HOXA3: variants seen among roughly 807,000 people sequenced by gnomAD.
HOXA3 encodes the protein homeobox protein Hox-A3.
In HOXA3, 8 loss-of-function variants were observed where a neutral mutation model predicts 30.3. That is an observed-to-expected ratio of 0.26 (90% CI 0.15 to 0.48). The LOEUF (loss-of-function observed/expected upper bound fraction) is 0.48, where lower values mean the gene tolerates loss of function less well. HOXA3 is among the 20% of genes least tolerant of loss of function. HOXA3 has a pLI of 0.99. For missense variants in HOXA3, 653 were observed against 614.4 expected, an observed-to-expected ratio of 1.06 and a Z score of -0.66; for synonymous variants, 323 against 273.1, an observed-to-expected ratio of 1.18 and a Z score of -1.80.
At chr7:27,109,905 CCAG>C in intron 5 of HOXA3, 2 of 612,702 alleles carry the variant, frequency 3.3e-6, no homozygotes, top group Non-Finnish European at 5.7e-6. Flanking sequence ...AGAGGGACTC[CCAG>C]CAGGTCTCTG....
chr7:27,138,597 GA>G (rs771724227), intron 2 of HOXA3, among the ~76,000 whole-genome samples: 154 of 152,264 alleles, frequency 1.0e-3, no homozygotes, highest in Middle Eastern at 3.4e-3. Flanking sequence ...TACCCATCCA[GA>G]AAAAGATCCC....
At chr7:27,148,902 C>A (rs942687611) in intron 1 of HOXA3, among the ~76,000 whole-genome samples, 1 of 152,258 alleles carries the variant, frequency 6.6e-6, no homozygotes, top group Admixed American at 6.5e-5. Context: ...CCCAAGGCCG[C>A]GGGATAATTG....
chr7:27,107,599 T>G lies in HOXA3; in HGVS notation c.*316A>C, dbSNP rs1784083402. Reference sequence around the variant, plus strand: ...CACATTGAAAACTCGACTAGAAAATTTGTTCATATACCCTGTTTCTGATCA... The same window carrying G: ...CACATTGAAAACTCGACTAGAAAATGTGTTCATATACCCTGTTTCTGATCA... On this transcript the variant is annotated 3_prime_UTR_variant, in exon 6 of 6. Coordinates refer to ENST00000612286, the MANE Select transcript of HOXA3 (RefSeq NM_153631.3). The G allele has an allele frequency of 3.4e-6, 1 of 291,672 alleles. No homozygotes were observed. Among genetic ancestry groups the G allele is most frequent in the Non-Finnish European group, 6.3e-6 (1 of 159,258 alleles). The allele number at this position is 291,672 out of a possible 1,614,324, so 18.1% of individuals were successfully genotyped here.
chr7:27,134,244 A>G (rs570528836), intron 2 of HOXA3: 1 of 152,290 alleles, frequency 6.6e-6, no homozygotes, highest in South Asian at 2.1e-4. Flanking sequence ...CCATTTGACC[A>G]ATTAATTCTT....
At chr7:27,147,498 G>T (rs761136741) in intron 1 of HOXA3, 133 of 1,614,110 alleles carry the variant, frequency 8.2e-5, no homozygotes, top group Non-Finnish European at 1.0e-4. Context: ...CGCCACTGAG[G>T]TCCTTATCAG....
intron 3 of HOXA3, 121 bp from the exon 4 acceptor site, chr7:27,122,763 A>T (rs1440309004): frequency 6.6e-6 from 1 of 152,198 alleles, no homozygotes; most frequent in Admixed American, 6.5e-5. Context: ...CGCGAACATC[A>T]GGGAGTCACC....
chr7:27,110,410 G>A lies in HOXA3; in HGVS notation c.231C>T (p.Ala77=), dbSNP rs1217145827. ...CCAGGCTTGGAGGCTGGCTAGGTGG[G>A]GCGCTCAGGGTGCGCAGGCACGCCT... ...LSEACLRTLS[A]PPSQPPSLGE... is the part of the protein sequence containing the mutation. Residue 77 remains alanine, a synonymous_variant, in exon 5 of 6, where the codon GCC becomes GCT. Transcript: ENST00000612286. 9 of 1,538,248 alleles carry A rather than the reference G, an allele frequency of 5.9e-6. No homozygotes were observed. The highest frequency in any genetic ancestry group is 6.1e-6 in the Non-Finnish European group (7 of 1,144,980).
chr7:27,138,946 T>C (rs1294808867), intron 2 of HOXA3, among the ~76,000 whole-genome samples: 1 of 152,170 alleles, frequency 6.6e-6, no homozygotes, highest in Admixed American at 6.5e-5. Context: ...TGAAGACACC[T>C]CAATTTCCCC....
chr7:27,122,520 A>C (rs1397697149), intron 4 of HOXA3, 39 bp downstream of exon 4: 3 of 152,234 alleles, frequency 2.0e-5, no homozygotes, highest in African/African-American at 7.2e-5. Context: ...GCCCTGGTGC[A>C]AAGTCCCACG....
intron 4 of HOXA3, among the ~76,000 whole-genome samples, chr7:27,117,877 G>T (rs990455494): frequency 2.0e-5 from 3 of 151,986 alleles, no homozygotes; most frequent in African/African-American, 7.3e-5. Flanking sequence ...CTGCCCTGCT[G>T]CAGTGGACAA....
chr7:27,150,257 AC>A (rs1448187799), intron 1 of HOXA3: 5 of 151,938 alleles, frequency 3.3e-5, no homozygotes, highest in African/African-American at 1.2e-4. Flanking sequence ...GAGAATGGCC[AC>A]CCCAGGGCTC....
Position 27,147,624 on chromosome 7 carries a change from G to T in HOXA3, c.-494+4664C>A, listed in dbSNP as rs373980441. On this transcript the variant is annotated intron_variant, in intron 1 of 5. Coordinates refer to ENST00000612286, the MANE Select transcript of HOXA3 (RefSeq NM_153631.3). ...TCTTGTCCGGGAGACTCGACGCCCC[G>T]TACGAGGCCGGGAAGGGCCTCAGCG... The T allele has an allele frequency of 3.1e-6, 5 of 1,614,122 alleles. No individual in the cohort carries two copies. The African/African-American group carries it at 6.7e-5, about 22-fold the overall frequency.
chr7:27,123,572 G>T (rs565430287), intron 3 of HOXA3: 1 of 152,520 alleles, frequency 6.6e-6, no homozygotes, highest in East Asian at 1.9e-4. Flanking sequence ...CGCTCCGCTG[G>T]GACTCTGCGG....
In HOXA3 at chr7:27,110,682, T is replaced by C. The variant is rs1172578423; in HGVS notation, c.-42A>G. On this transcript the variant is annotated 5_prime_UTR_variant, in exon 5 of 6. Coordinates refer to ENST00000612286, the MANE Select transcript of HOXA3 (RefSeq NM_153631.3). ...CTTGATCGCACACTCTGACAGGGGT[T>C]TGACACCCGTGAGGGCGCACATTGG... 1 of 1,588,276 alleles carries C rather than the reference T, an allele frequency of 6.3e-7. No homozygotes were observed. The highest frequency in any genetic ancestry group is 1.7e-5 in the Admixed American group (1 of 59,620).
intron 2 of HOXA3, among the ~76,000 whole-genome samples, chr7:27,136,587 A>G (rs1221212927): frequency 1.3e-5 from 2 of 152,140 alleles, no homozygotes; most frequent in Non-Finnish European, 2.9e-5. Flanking sequence ...TCTGCTGGCG[A>G]TTCCTAGGGT....
intron 2 of HOXA3, chr7:27,129,712 G>T: frequency 1.1e-6 from 1 of 932,130 alleles, no homozygotes; most frequent in Non-Finnish European, 1.7e-6. Context: ...GTTCACGCAA[G>T]ATACATAAAA....
chr7:27,109,374 T>C lies in HOXA3; in HGVS notation c.527-654A>G, dbSNP rs1046331629. 2.2e-4 allele frequency among the ~76,000 whole-genome samples: 34 copies of C among 152,224 alleles called. 1 individual carries two copies. The highest frequency in any genetic ancestry group is 2.9e-5 in the Non-Finnish European group (2 of 68,042). On this transcript the variant is annotated intron_variant, in intron 5 of 5. Transcript: ENST00000612286. ...TTTGTCCACTAATCTTGTACCCTTC[T>C]GTCTTCCCTGGCCCCCCAGATCCTA... is the stretch of plus-strand genomic sequence containing the variant.
At position 27,108,314 on chromosome 7, in the gene HOXA3, G is replaced by C; in HGVS notation, c.933C>G (p.Ser311=). ...CGCAGCTGGGCAGGGACGCAGGGTA[G>C]GAGGCGGGGGGCAGCCCGTAGGTAC... The part of the protein sequence containing the change: ...PQGTYGLPPA[S]YPASLPSCAP... Residue 311 remains serine, a synonymous_variant, in exon 6 of 6, where the codon TCC becomes TCG. Coordinates refer to ENST00000612286, the MANE Select transcript of HOXA3 (RefSeq NM_153631.3). This position sits in a 1 kb window ranked among gnomAD's most constrained non-coding sequence, Gnocchi z 5.0. 6.6e-7 allele frequency: 1 copy of C among 1,520,824 alleles called. No homozygotes were observed. Among genetic ancestry groups the C allele is most frequent in the Non-Finnish European group, 8.9e-7 (1 of 1,129,112 alleles). 94.2% of individuals were successfully genotyped at this position (1,520,824 alleles called of 1,614,324 possible).
chr7:27,116,627 T>C (rs1784739966), intron 4 of HOXA3: 1 of 152,246 alleles, frequency 6.6e-6, no homozygotes. Flanking sequence ...TTCAGCTTGC[T>C]GGCACTGAAG....
Sources: allele counts gnomAD v4.1 joint callset (sites outside exome capture counted in the v4.1 genomes callset), GRCh38; gene constraint gnomAD v4.1.1; non-coding constraint Gnocchi (gnomAD v3.1); transcripts MANE v1.5; gene names NCBI Gene and HGNC (gene_info 2026-07-23, HGNC 2026-07-21).